Variants in AMPH observed in about 807,000 individuals in gnomAD.
AMPH encodes the protein amphiphysin (Stiff-Mann syndrome with breast cancer 128kD autoantigen).
In AMPH, 49 loss-of-function variants were observed where a neutral mutation model predicts 99.1. The observed-to-expected ratio is 0.49, with a 90% CI of 0.39 to 0.63. The LOEUF is 0.63. Among genes scored for constraint, AMPH ranks in the 20% least tolerant of loss-of-function variants. The pLI is 0.00. For synonymous variants in AMPH, 314 were observed against 317.3 expected (o/e 0.99, Z 0.11); for missense variants, 759 against 863.4 (o/e 0.88, Z 1.52).
chr7:38,508,438 T>A (rs1348380220), intron 2 of AMPH, among the ~76,000 whole-genome samples: 1 of 152,220 alleles, frequency 6.6e-6, no homozygotes, highest in Non-Finnish European at 1.5e-5. Context: ...TATAAGTAAC[T>A]TTTGTTATAA....
chr7:38,519,205 T>C (rs967022), intron 2 of AMPH, among the ~76,000 whole-genome samples: 98,869 of 152,192 alleles, frequency 0.65, 32,711 homozygotes, highest in East Asian at 0.96. Flanking sequence ...ATTTCCTTTC[T>C]TTATAAATTA....
chr7:38,490,003 T>A (rs2043785), intron 5 of AMPH, among the ~76,000 whole-genome samples: 39,573 of 151,872 alleles, frequency 0.26, 6,180 homozygotes, highest in African/African-American at 0.43. Flanking sequence ...TTGAAAATAA[T>A]TTGCCATGCA....
chr7:38,384,098 C>A lies in AMPH; in HGVS notation c.*720G>T, dbSNP rs533249155. 1 of 152,456 alleles carries A rather than the reference C, an allele frequency of 6.6e-6. No individual in the cohort carries two copies. The highest frequency in any genetic ancestry group is 1.9e-4 in the East Asian group (1 of 5,194). The allele number at this position is 152,456 out of a possible 1,614,324, so 9.4% of individuals were successfully genotyped here. On this transcript the variant is annotated 3_prime_UTR_variant, in exon 21 of 21. Coordinates refer to ENST00000356264, the MANE Select transcript of AMPH (RefSeq NM_001635.4). ...AAACTGCACAGTACAAACACAGATA[C>A]TGTTGACTCTTTTGCCAATGGGATG...
intron 1 of AMPH, among the ~76,000 whole-genome samples, chr7:38,560,472 C>T (rs746253424): frequency 6.6e-6 from 1 of 152,146 alleles, no homozygotes; most frequent in Non-Finnish European, 1.5e-5. Flanking sequence ...TTGTTTTCAG[C>T]CACTAAGTTT....
chr7:38,627,091 A>C (rs1794276819), intron 1 of AMPH, among the ~76,000 whole-genome samples: 1 of 152,056 alleles, frequency 6.6e-6, no homozygotes, highest in Admixed American at 6.6e-5. Context: ...GTTCAGGGGA[A>C]TCTTCATTCC....
intron 15 of AMPH, 38 bp from the exon 16 acceptor site, chr7:38,422,515 A>C: frequency 2.0e-6 from 3 of 1,527,226 alleles, no homozygotes; most frequent in African/African-American, 1.4e-5. Flanking sequence ...TGTTTTTTAA[A>C]GATATTTAAA....
intron 1 of AMPH, among the ~76,000 whole-genome samples, chr7:38,550,476 G>A (rs761350164): frequency 2.0e-5 from 3 of 152,188 alleles, no homozygotes; most frequent in Admixed American, 6.5e-5. Context: ...ATGATCACAC[G>A]ATACACCACA....
chr7:38,504,305 T>C (rs1384419658), intron 2 of AMPH, among the ~76,000 whole-genome samples: 1 of 152,208 alleles, frequency 6.6e-6, no homozygotes, highest in Admixed American at 6.5e-5. Flanking sequence ...TGCATTATAT[T>C]TTTATTGGAC....
intron 2 of AMPH, among the ~76,000 whole-genome samples, chr7:38,509,816 C>T (rs1456813364): frequency 6.6e-6 from 1 of 152,140 alleles, no homozygotes; most frequent in Non-Finnish European, 1.5e-5. Flanking sequence ...TTTAAAGGAG[C>T]CCCACTTCCA....
chr7:38,473,791 T>TTC (rs1787983155), intron 7 of AMPH, among the ~76,000 whole-genome samples: 1 of 149,734 alleles, frequency 6.7e-6, no homozygotes, highest in African/African-American at 2.5e-5. Context: ...ATCTGTATTT[T>TTC]TTAAAAAAAA....
At chr7:38,471,754 T>C (rs1477897650) in intron 7 of AMPH, among the ~76,000 whole-genome samples, 1 of 152,088 alleles carries the variant, frequency 6.6e-6, no homozygotes, top group Non-Finnish European at 1.5e-5. Flanking sequence ...AGAGACACAA[T>C]TTAAATTCAA....
At chr7:38,497,300 C>T (rs79314337) in intron 3 of AMPH, among the ~76,000 whole-genome samples, 5,311 of 152,120 alleles carry the variant, frequency 0.035, 323 homozygotes, top group African/African-American at 0.12. Flanking sequence ...ATGCTACCTC[C>T]GAGATTGAAT....
chr7:38,613,120 A>G (rs959297802), intron 1 of AMPH, among the ~76,000 whole-genome samples: 1 of 152,198 alleles, frequency 6.6e-6, no homozygotes, highest in Non-Finnish European at 1.5e-5. Context: ...GACCAAGACC[A>G]TACAGCTGAG....
chr7:38,429,056 C>T (rs1270329105), intron 14 of AMPH: 6 of 1,290,378 alleles, frequency 4.6e-6, no homozygotes, highest in Non-Finnish European at 6.1e-6. Context: ...CAGTGTCTAC[C>T]TTTTGACACG....
At chr7:38,386,040 C>T (rs892983181) in intron 20 of AMPH, among the ~76,000 whole-genome samples, 7 of 151,958 alleles carry the variant, frequency 4.6e-5, no homozygotes, top group Non-Finnish European at 8.8e-5. Context: ...GAATTCATTC[C>T]CTTTTGATAT....
At chr7:38,388,808 TA>T (rs962544889) in intron 20 of AMPH, among the ~76,000 whole-genome samples, 24 of 151,020 alleles carry the variant, frequency 1.6e-4, no homozygotes, top group East Asian at 5.8e-4. Flanking sequence ...CCCAGCTAAT[TA>T]AAAAAAAAAT....
chr7:38,582,257 A>C (rs1230883896), intron 1 of AMPH, among the ~76,000 whole-genome samples: 3 of 152,226 alleles, frequency 2.0e-5, no homozygotes, highest in Admixed American at 6.5e-5. Flanking sequence ...TGTGCCAAAT[A>C]ATTCTAAGAG....
At chr7:38,418,888 T>C (rs1050798458) in intron 16 of AMPH, among the ~76,000 whole-genome samples, 20 of 152,058 alleles carry the variant, frequency 1.3e-4, no homozygotes, top group African/African-American at 4.8e-4. Flanking sequence ...AGTTTTAAAA[T>C]TAGCAATATA....
At chr7:38,565,004 G>A (rs1323810480) in intron 1 of AMPH, among the ~76,000 whole-genome samples, 1 of 151,618 alleles carries the variant, frequency 6.6e-6, no homozygotes, top group Admixed American at 6.6e-5. Context: ...GGTGCCTGTA[G>A]TCCCAGCTAC....
Sources: allele counts gnomAD v4.1 joint callset (sites outside exome capture counted in the v4.1 genomes callset), GRCh38; gene constraint gnomAD v4.1.1; transcripts MANE v1.5; gene names NCBI Gene and HGNC (gene_info 2026-07-23, HGNC 2026-07-21).